Variants in BRSK2 observed in about 807,000 individuals in gnomAD.
The protein encoded by BRSK2 is BR serine/threonine kinase 2, also known as serine/threonine-protein kinase BRSK2.
In BRSK2, 19 loss-of-function variants were observed where a neutral mutation model predicts 83.3. The observed-to-expected ratio is 0.23, with a 90% CI of 0.16 to 0.33. The LOEUF is 0.33. Among genes scored for constraint, BRSK2 ranks in the 10% least tolerant of loss-of-function variants. The pLI is 1.00. For missense variants in BRSK2, 798 were observed against 1,042.3 expected (o/e 0.77, Z 3.23); for synonymous variants, 519 against 435.4 (o/e 1.19, Z -2.39).
At chr11:1,412,982 C>T (rs547083106) in intron 1 of BRSK2, among the ~76,000 whole-genome samples, 36 of 152,252 alleles carry the variant, frequency 2.4e-4, no homozygotes, top group African/African-American at 7.5e-4. Flanking sequence ...GGTGGATGGG[C>T]GGGGCTCACT....
At chr11:1,442,995 G>A in intron 5 of BRSK2, 111 bp from the exon 6 acceptor site, 5 of 1,258,604 alleles carry the variant, frequency 4.0e-6, no homozygotes, top group Non-Finnish European at 5.4e-6. Context: ...GGGGGCGTCT[G>A]GCACCACAGC....
chr11:1,410,982 G>T (rs776265993), intron 1 of BRSK2: 8 of 979,176 alleles, frequency 8.2e-6, no homozygotes, highest in Admixed American at 1.2e-4. Context: ...CCCCGCTGAG[G>T]GGGGCAGGAG....
chr11:1,409,724 A>G (rs1847203973), intron 1 of BRSK2: 1 of 151,574 alleles, frequency 6.6e-6, no homozygotes, highest in South Asian at 2.1e-4. Flanking sequence ...TGTGCTTTAA[A>G]TGCGTGCTGG....
chr11:1,425,971 G>T (rs1443698781), intron 1 of BRSK2, among the ~76,000 whole-genome samples: 1 of 152,234 alleles, frequency 6.6e-6, no homozygotes, highest in Non-Finnish European at 1.5e-5. Flanking sequence ...GAGGGCTGAG[G>T]TTCTGCTGTC....
At chr11:1,404,055 G>A (rs1846671314) in intron 1 of BRSK2, among the ~76,000 whole-genome samples, 2 of 152,202 alleles carry the variant, frequency 1.3e-5, no homozygotes, top group African/African-American at 2.4e-5. Context: ...CCAGTGAAGT[G>A]TGAGCAGAGT....
rs143214142 is a variant in BRSK2 at position 1,451,587 on chromosome 11, C to T, written c.1544+168C>T. 3.0e-3 allele frequency among the ~76,000 whole-genome samples: 453 copies of T among 152,242 alleles called. 1 individual carries two copies. Among genetic ancestry groups the T allele is most frequent in the African/African-American group, 0.01 (418 of 41,546 alleles). On this transcript the variant is annotated intron_variant, in intron 15 of 19. Transcript: ENST00000528841. The stretch of plus-strand genomic sequence containing the variant: ...ACTGAGTCTCTGAAGTTCGAATTCC[C>T]GGCTGTGAGGGGAAGGCCAGCCAGG...
At chr11:1,407,436 C>T (rs898188918) in intron 1 of BRSK2, among the ~76,000 whole-genome samples, 1 of 152,138 alleles carries the variant, frequency 6.6e-6, no homozygotes, top group Non-Finnish European at 1.5e-5. Flanking sequence ...CAGTGCCACC[C>T]GTCTTCCTGC....
At chr11:1,424,708 C>T (rs1159902802) in intron 1 of BRSK2, among the ~76,000 whole-genome samples, 1 of 151,454 alleles carries the variant, frequency 6.6e-6, no homozygotes, top group Non-Finnish European at 1.5e-5. Context: ...AGGCTCAGGA[C>T]CCGTTGGGAC....
At chr11:1,408,846 GGT>G (rs1321531589) in intron 1 of BRSK2, among the ~76,000 whole-genome samples, 5 of 149,566 alleles carry the variant, frequency 3.3e-5, no homozygotes, top group Non-Finnish European at 7.4e-5. Context: ...GCTGTGCTGG[GGT>G]GTGTGTGCAT....
Position 1,452,929 on chromosome 11 carries a change from A to C in BRSK2, c.1544+1510A>C, listed in dbSNP as rs185709667. Among the ~76,000 whole-genome samples the C allele has an allele frequency of 2.6e-4, 40 of 152,358 alleles. No individual in the cohort carries two copies. In the East Asian group the frequency reaches 7.3e-3, roughly 28 times the overall value. On this transcript the variant is annotated intron_variant, in intron 15 of 19. Coordinates refer to ENST00000528841, the MANE Select transcript of BRSK2 (RefSeq NM_001256627.2). Reference sequence around the variant, plus strand: ...GCCCCATGTCAACCAGGCACCCCAGAGGAACAGCACCAAGGGAGGCAGCTG... The same window carrying C: ...GCCCCATGTCAACCAGGCACCCCAGCGGAACAGCACCAAGGGAGGCAGCTG...
At chr11:1,455,967 GC>G (rs1846475704) in intron 16 of BRSK2, among the ~76,000 whole-genome samples, 1 of 152,048 alleles carries the variant, frequency 6.6e-6, no homozygotes, top group African/African-American at 2.4e-5. Flanking sequence ...CTCAGTGGCA[GC>G]TCCCAGACCC....
At chr11:1,447,210 G>T (rs1246053249) in intron 12 of BRSK2, among the ~76,000 whole-genome samples, 2 of 152,134 alleles carry the variant, frequency 1.3e-5, no homozygotes, top group Admixed American at 1.3e-4. Flanking sequence ...ACATTCTACT[G>T]TCCTGACCTT....
At chr11:1,408,621 C>G (rs932842611) in intron 1 of BRSK2, among the ~76,000 whole-genome samples, 4 of 152,220 alleles carry the variant, frequency 2.6e-5, no homozygotes, top group Admixed American at 2.6e-4. Flanking sequence ...ATCGCAGACC[C>G]TCAACCTGAT....
At chr11:1,403,103 G>T (rs1044306520) in intron 1 of BRSK2, among the ~76,000 whole-genome samples, 3 of 152,254 alleles carry the variant, frequency 2.0e-5, no homozygotes, top group South Asian at 4.1e-4. Flanking sequence ...CACCCATGGG[G>T]TGTTGAGTTC....
chr11:1,411,236 T>A, intron 1 of BRSK2: 3 of 1,266,880 alleles, frequency 2.4e-6, no homozygotes, highest in Non-Finnish European at 3.0e-6. Context: ...GCTCTGAGCT[T>A]CCTTCCTCAC....
At chr11:1,456,897 C>A (rs1423374371) in intron 18 of BRSK2, 1 of 1,563,508 alleles carries the variant, frequency 6.4e-7, no homozygotes, top group Admixed American at 1.7e-5. Flanking sequence ...CGCCTCTGCA[C>A]GCCAGGGACA....
At chr11:1,429,478 G>C (rs566387342) in intron 1 of BRSK2, among the ~76,000 whole-genome samples, 1 of 151,534 alleles carries the variant, frequency 6.6e-6, no homozygotes, top group South Asian at 2.1e-4. Context: ...GTGGCCACAC[G>C]TGCTGTCCCT....
chr11:1,439,129 G>A (rs936371486), intron 3 of BRSK2, among the ~76,000 whole-genome samples: 5 of 152,194 alleles, frequency 3.3e-5, no homozygotes, highest in Admixed American at 1.3e-4. Flanking sequence ...TCCTAGCCGG[G>A]CATCTCTGAG....
At chr11:1,433,325 C>T (rs1849838543) in intron 1 of BRSK2, among the ~76,000 whole-genome samples, 2 of 152,244 alleles carry the variant, frequency 1.3e-5, no homozygotes, top group Admixed American at 6.5e-5. Flanking sequence ...CCTGCTTCAC[C>T]CCTGCACCCT....
Sources: allele counts gnomAD v4.1 joint callset (sites outside exome capture counted in the v4.1 genomes callset), GRCh38; gene constraint gnomAD v4.1.1; transcripts MANE v1.5; gene names NCBI Gene and HGNC (gene_info 2026-07-23, HGNC 2026-07-21).